CIMIP6: variants seen among roughly 807,000 people sequenced by gnomAD.
CIMIP6 encodes the protein uncharacterized protein C2orf73.
At chr2:54,347,244 G>A in the CIMIP6 span, among the ~76,000 whole-genome samples, 1 of 152,186 alleles carries the variant, frequency 6.6e-6, no homozygotes, top group Admixed American at 6.5e-5. Context: ...GAGTTGGACT[G>A]AATTTTTAAA....
chr2:54,344,702 A>T, the CIMIP6 span, among the ~76,000 whole-genome samples: 1 of 97,754 alleles, frequency 1.0e-5, no homozygotes, highest in Admixed American at 1.1e-4. Context: ...TATTTCGGTA[A>T]ATCAAGCTGA....
At chr2:54,333,788 G>A in the CIMIP6 span, among the ~76,000 whole-genome samples, 1 of 152,120 alleles carries the variant, frequency 6.6e-6, no homozygotes, top group Admixed American at 6.5e-5. Context: ...AGCTACTCAG[G>A]AGGCTGAGGC....
the CIMIP6 span, among the ~76,000 whole-genome samples, chr2:54,366,173 G>A: frequency 6.6e-6 from 1 of 152,156 alleles, no homozygotes; most frequent in Non-Finnish European, 1.5e-5. Context: ...ATATTACTAT[G>A]TTCTGGGATA....
At chr2:54,379,708 G>A in the CIMIP6 span, among the ~76,000 whole-genome samples, 2 of 152,008 alleles carry the variant, frequency 1.3e-5, no homozygotes, top group Non-Finnish European at 2.9e-5. Context: ...CAGGCATGGT[G>A]ACTCATGCCT....
chr2:54,336,575 CA>C, the CIMIP6 span, among the ~76,000 whole-genome samples: 1 of 152,058 alleles, frequency 6.6e-6, no homozygotes, highest in Non-Finnish European at 1.5e-5. Context: ...CTGTTCTAGA[CA>C]CTAGAGATAC....
the CIMIP6 span, among the ~76,000 whole-genome samples, chr2:54,333,521 AGG>A: frequency 2.6e-5 from 4 of 152,224 alleles, no homozygotes; most frequent in African/African-American, 7.2e-5. Context: ...CAAGTCACAC[AGG>A]ACCTCAGAGC....
chr2:54,341,583 G>T, the CIMIP6 span, among the ~76,000 whole-genome samples: 13 of 152,286 alleles, frequency 8.5e-5, no homozygotes, highest in African/African-American at 3.1e-4. Context: ...TACTTAGCTG[G>T]TTTTGCATTC....
the CIMIP6 span, among the ~76,000 whole-genome samples, chr2:54,347,926 T>C: frequency 2.0e-5 from 3 of 152,356 alleles, no homozygotes; most frequent in East Asian, 5.8e-4. Flanking sequence ...CTTGAGTCTA[T>C]TGCTACTTAT....
the CIMIP6 span, among the ~76,000 whole-genome samples, chr2:54,342,274 G>C: frequency 6.6e-6 from 1 of 152,080 alleles, no homozygotes; most frequent in Non-Finnish European, 1.5e-5. Flanking sequence ...ACAACCTCAA[G>C]TTGAATGAAT....
chr2:54,338,150 T>C, the CIMIP6 span, among the ~76,000 whole-genome samples: 1 of 151,738 alleles, frequency 6.6e-6, no homozygotes, highest in Non-Finnish European at 1.5e-5. Context: ...GGAAATAAAA[T>C]TGGCTGGGCA....
chr2:54,384,179 C>A, the CIMIP6 span, among the ~76,000 whole-genome samples: 1 of 152,210 alleles, frequency 6.6e-6, no homozygotes, highest in Non-Finnish European at 1.5e-5. Flanking sequence ...CAATAAACCT[C>A]TCAAGTAAAT....
chr2:54,351,228 G>T, the CIMIP6 span, among the ~76,000 whole-genome samples: 2 of 152,096 alleles, frequency 1.3e-5, no homozygotes, highest in African/African-American at 4.8e-5. Flanking sequence ...CAAGTTTGTT[G>T]ATTTAATTAT....
At chr2:54,374,648 C>T in the CIMIP6 span, among the ~76,000 whole-genome samples, 5 of 152,296 alleles carry the variant, frequency 3.3e-5, no homozygotes, top group African/African-American at 4.8e-5. Context: ...AAATGGGTAT[C>T]GGAAAGAAAA....
the CIMIP6 span, among the ~76,000 whole-genome samples, chr2:54,334,507 A>C: frequency 6.6e-6 from 1 of 152,254 alleles, no homozygotes; most frequent in Admixed American, 6.5e-5. Flanking sequence ...ACACGTGAGT[A>C]CTGCAAACAT....
At chr2:54,336,501 T>TG in the CIMIP6 span, among the ~76,000 whole-genome samples, 1 of 152,236 alleles carries the variant, frequency 6.6e-6, no homozygotes, top group Non-Finnish European at 1.5e-5. Context: ...TCCTTATTTA[T>TG]GTAAGGATAG....
chr2:54,340,502 A>G, the CIMIP6 span, among the ~76,000 whole-genome samples: 1 of 152,214 alleles, frequency 6.6e-6, no homozygotes, highest in Non-Finnish European at 1.5e-5. Flanking sequence ...TCTTCCAGGA[A>G]CAAACCAAAC....
At chr2:54,362,219 G>A in the CIMIP6 span, among the ~76,000 whole-genome samples, 1 of 152,078 alleles carries the variant, frequency 6.6e-6, no homozygotes, top group Non-Finnish European at 1.5e-5. Context: ...AGGAATCCCT[G>A]TTAAAGATAG....
At chr2:54,337,141 A>G in the CIMIP6 span, among the ~76,000 whole-genome samples, 1 of 152,066 alleles carries the variant, frequency 6.6e-6, no homozygotes, top group Non-Finnish European at 1.5e-5. Context: ...CTCCTACTCC[A>G]CTTCTTTCCT....
chr2:54,375,190 T>C, the CIMIP6 span, among the ~76,000 whole-genome samples: 4 of 152,280 alleles, frequency 2.6e-5, no homozygotes, highest in Admixed American at 2.0e-4. Context: ...AATGTAACTT[T>C]AATAAAGTTA....
Sources: gnomAD v4.1 joint callset for allele counts (sites outside exome capture counted in the v4.1 genomes callset) on GRCh38, gnomAD v4.1.1 for gene constraint, MANE v1.5 for transcripts, NCBI Gene and HGNC (gene_info 2026-07-23, HGNC 2026-07-21) for gene names.